Variants in AGBL1 observed in about 807,000 individuals in gnomAD.
AGBL1 encodes the protein cytosolic carboxypeptidase 4.
A neutral mutation model predicts 118.9 loss-of-function variants in AGBL1; 130 were observed. The ratio of observed to expected loss-of-function variants is 1.09; its 90% CI spans 0.95 to 1.26. The LOEUF (loss-of-function observed/expected upper bound fraction) is 1.26, where lower values mean the gene tolerates loss of function less well. Ranked by LOEUF, AGBL1 falls within the 50% of genes most tolerant of loss-of-function variation. AGBL1 has a pLI of 0.00. For missense variants in AGBL1, 1,584 were observed against 1,298.1 expected (o/e 1.22, Z -3.38); for synonymous variants, 555 against 478.9 (o/e 1.16, Z -2.08).
chr15:86,676,571 AC>A (rs35548766), intron 22 of AGBL1, among the ~76,000 whole-genome samples: 67,798 of 151,972 alleles, frequency 0.45, 17,551 homozygotes, highest in Non-Finnish European at 0.6. Flanking sequence ...GAATCCTAGA[AC>A]TTTTGTTAGT....
rs529531036 is a variant in AGBL1 at position 86,139,777 on chromosome 15, T to TA, written c.52-2222dup. The TA allele has an allele frequency of 2.2e-3, 319 of 146,418 alleles. 3 individuals are homozygous for TA. In the Middle Eastern group the frequency reaches 0.035, roughly 16 times the overall value. The allele number at this position is 146,418 out of a possible 1,614,324, so 9.1% of individuals were successfully genotyped here. On this transcript the variant is annotated intron_variant, in intron 1 of 22. Transcript: ENST00000614907. ...TACATTAATTGATTTTTTTTTTTTT[T>TA]AAAAACCAGGGCATTCCTTAGTTTA...
chr15:86,928,027 A>G (rs1433694499), intron 23 of AGBL1, among the ~76,000 whole-genome samples: 1 of 152,208 alleles, frequency 6.6e-6, no homozygotes, highest in African/African-American at 2.4e-5. Flanking sequence ...TTATGTAAGG[A>G]ATGTCTGAGG....
At chr15:86,964,365 T>C (rs540538818) in intron 23 of AGBL1, among the ~76,000 whole-genome samples, 3 of 152,096 alleles carry the variant, frequency 2.0e-5, no homozygotes, top group South Asian at 2.1e-4. Flanking sequence ...GCATCCCTGA[T>C]TGCTACCCAC....
At chr15:86,088,087 G>C (rs1453330561) in intron 1 of AGBL1, 2 of 152,282 alleles carry the variant, frequency 1.3e-5, no homozygotes, top group Non-Finnish European at 2.9e-5. Context: ...TGCAGCTGTA[G>C]ACAACATGCA....
chr15:86,580,920 A>G (rs952566569), intron 21 of AGBL1, among the ~76,000 whole-genome samples: 1 of 152,190 alleles, frequency 6.6e-6, no homozygotes. Context: ...CCAACATTAC[A>G]TTAACTACAG....
intron 22 of AGBL1, among the ~76,000 whole-genome samples, chr15:86,823,767 G>A (rs562378782): frequency 6.6e-6 from 1 of 152,124 alleles, no homozygotes; most frequent in South Asian, 2.1e-4. Flanking sequence ...TTTTATCAAA[G>A]ACCCTAAAGC....
chr15:86,506,123 T>C (rs1249014774), intron 18 of AGBL1, among the ~76,000 whole-genome samples: 1 of 152,046 alleles, frequency 6.6e-6, no homozygotes, highest in Admixed American at 6.6e-5. Flanking sequence ...GGGCATGCCT[T>C]CAACACTCAG....
At chr15:86,544,198 T>A (rs1385080604) in intron 19 of AGBL1, among the ~76,000 whole-genome samples, 1 of 152,216 alleles carries the variant, frequency 6.6e-6, no homozygotes, top group Admixed American at 6.5e-5. Context: ...TGGCTAGGAC[T>A]GGATGGTCTA....
chr15:86,807,111 G>A (rs1405452345), intron 22 of AGBL1, among the ~76,000 whole-genome samples: 1 of 152,102 alleles, frequency 6.6e-6, no homozygotes, highest in Non-Finnish European at 1.5e-5. Context: ...CTAAGTCCAA[G>A]TTAGTTGATC....
intron 22 of AGBL1, among the ~76,000 whole-genome samples, chr15:86,793,924 G>A (rs971474073): frequency 1.8e-4 from 28 of 152,184 alleles, no homozygotes; most frequent in Admixed American, 9.2e-4. Flanking sequence ...ACATTAAGAT[G>A]ACCATAATAA....
intron 24 of AGBL1, among the ~76,000 whole-genome samples, chr15:86,993,199 A>T (rs1010418): frequency 0.099 from 15,020 of 152,274 alleles, 1,312 homozygotes; most frequent in African/African-American, 0.23. Flanking sequence ...TGATAGACAC[A>T]GTTCACTTAA....
At chr15:86,453,838 G>T (rs1596134391) in intron 18 of AGBL1, among the ~76,000 whole-genome samples, 1 of 152,160 alleles carries the variant, frequency 6.6e-6, no homozygotes, top group East Asian at 1.9e-4. Flanking sequence ...ATTTTGTTGT[G>T]TGTAGTATTT....
chr15:86,591,895 T>C (rs1009990789), intron 21 of AGBL1, among the ~76,000 whole-genome samples: 5 of 152,162 alleles, frequency 3.3e-5, no homozygotes, highest in Non-Finnish European at 7.4e-5. Context: ...ATCCTGAAGC[T>C]ACCTAGGGGC....
chr15:86,225,046 T>TTC, intron 6 of AGBL1, 95 bp downstream of exon 6: 1 of 1,218,880 alleles, frequency 8.2e-7, no homozygotes, highest in Non-Finnish European at 1.2e-6. Flanking sequence ...TTTTTTTTTT[T>TTC]TTCATGAACT....
chr15:86,210,618 C>T (rs2078076194), intron 5 of AGBL1, among the ~76,000 whole-genome samples: 1 of 152,214 alleles, frequency 6.6e-6, no homozygotes, highest in African/African-American at 2.4e-5. Context: ...GCTATTGAAG[C>T]TTGAGCTTGT....
intron 21 of AGBL1, among the ~76,000 whole-genome samples, chr15:86,647,432 G>A (rs903751741): frequency 9.9e-5 from 15 of 152,188 alleles, no homozygotes; most frequent in Non-Finnish European, 1.5e-4. Flanking sequence ...TGGGCGCAGC[G>A]CCTTACGCCT....
downstream of AGBL1, among the ~76,000 whole-genome samples, chr15:87,029,774 T>C (rs1198487282): frequency 6.6e-6 from 1 of 151,868 alleles, no homozygotes; most frequent in Non-Finnish European, 1.5e-5. Flanking sequence ...CAACAGCTAA[T>C]AAATGGAGGG....
chr15:86,742,467 G>T (rs1405825825), intron 22 of AGBL1, among the ~76,000 whole-genome samples: 1 of 152,074 alleles, frequency 6.6e-6, no homozygotes, highest in East Asian at 1.9e-4. Context: ...TACCAATGAG[G>T]CTTTCTTTAG....
At position 86,141,632 on chromosome 15, in the gene AGBL1, C is replaced by T. The variant is rs2076965083; in HGVS notation, c.52-372C>T. Among the ~76,000 whole-genome samples the T allele has an allele frequency of 3.9e-5, 6 of 152,204 alleles. No homozygotes were observed. The South Asian group carries it at 1.2e-3, about 32-fold the overall frequency. ...CACCACTGCACCCCCGCCTGGGCAA[C>T]AGAGCAAGACTTCATCTTAAATAAA... On this transcript the variant is annotated intron_variant, in intron 1 of 22. Coordinates refer to ENST00000614907, the MANE Select transcript of AGBL1 (RefSeq NM_001386094.1).
Sources: gnomAD v4.1 joint callset for allele counts (sites outside exome capture counted in the v4.1 genomes callset) on GRCh38, gnomAD v4.1.1 for gene constraint, MANE v1.5 for transcripts, NCBI Gene and HGNC (gene_info 2026-07-23, HGNC 2026-07-21) for gene names.